Variants in CCDC170 observed in about 807,000 individuals in gnomAD.
CCDC170 encodes the protein coiled-coil domain containing 170, also known as coiled-coil domain-containing protein 170.
A neutral mutation model predicts 72.6 loss-of-function variants in CCDC170; 69 were observed. That is an observed-to-expected ratio of 0.95 (90% CI 0.78 to 1.16). The LOEUF (loss-of-function observed/expected upper bound fraction) is 1.16, where lower values mean the gene tolerates loss of function less well. CCDC170 is among the 50% of genes most tolerant of loss of function. The pLI, the probability that CCDC170 is intolerant of heterozygous loss-of-function variation, is 0.00. For missense variants in CCDC170, 852 were observed against 832.5 expected, an observed-to-expected ratio of 1.02 and a Z score of -0.29; for synonymous variants, 300 against 303.9, an observed-to-expected ratio of 0.99 and a Z score of 0.13.
intron 10 of CCDC170, among the ~76,000 whole-genome samples, chr6:151,616,476 T>A (rs1324119119): frequency 1.3e-5 from 2 of 151,982 alleles, no homozygotes. Flanking sequence ...TTTTTTTCCC[T>A]GCTTTGGCTG....
intron 3 of CCDC170, among the ~76,000 whole-genome samples, chr6:151,540,357 C>T (rs114834038): frequency 0.014 from 1,920 of 134,394 alleles, 55 homozygotes; most frequent in African/African-American, 0.048. Flanking sequence ...TCCTCCTCCT[C>T]CTTCTTCTGC....
intron 5 of CCDC170, among the ~76,000 whole-genome samples, chr6:151,551,189 G>A (rs4870041): frequency 0.16 from 24,089 of 152,132 alleles, 2,403 homozygotes; most frequent in East Asian, 0.5. Context: ...TACATAATAT[G>A]TATTTGTTAT....
At chr6:151,571,128 C>T (rs1776212943) in intron 5 of CCDC170, among the ~76,000 whole-genome samples, 1 of 152,116 alleles carries the variant, frequency 6.6e-6, no homozygotes, top group South Asian at 2.1e-4. Context: ...GTGTTTCAGG[C>T]TATCCTTTTT....
intron 6 of CCDC170, among the ~76,000 whole-genome samples, chr6:151,584,552 T>A (rs1238275715): frequency 6.6e-6 from 1 of 152,250 alleles, no homozygotes; most frequent in Non-Finnish European, 1.5e-5. Flanking sequence ...ACAAATTATT[T>A]AAAAATATTA....
chr6:151,533,199 G>A (rs1463771052), intron 1 of CCDC170, among the ~76,000 whole-genome samples: 6 of 151,318 alleles, frequency 4.0e-5, no homozygotes, highest in Non-Finnish European at 8.8e-5. Context: ...GACTACAGGC[G>A]CCCGCCACCA....
intron 9 of CCDC170, among the ~76,000 whole-genome samples, chr6:151,598,302 G>A (rs1776654677): frequency 6.6e-6 from 1 of 152,182 alleles, no homozygotes; most frequent in Non-Finnish European, 1.5e-5. Context: ...GGCTGCAAAT[G>A]GTGATGAATC....
rs1175333904 is a variant in CCDC170, at chr6:151,573,486, G to T, written c.1087G>T (p.Asp363Tyr). 6.2e-7 allele frequency: 1 copy of T among 1,613,192 alleles called. No individual in the cohort carries two copies. Among genetic ancestry groups the T allele is most frequent in the Admixed American group, 1.7e-5 (1 of 59,988 alleles). ...AATGGACAGCCGGGAAGAAAGCAGG[G>T]ACCGGGTGAGTGGGTCATGGCTGTT... The part of the protein sequence containing the change: ...REMDSREESR[D>Y]RMVSQLEAQI... Residue 363 changes from aspartate to tyrosine, a missense_variant, in exon 6 of 11, where the codon GAC becomes TAC. Asp to Tyr is a radical substitution (Grantham distance 160). Coordinates refer to ENST00000239374, the MANE Select transcript of CCDC170 (RefSeq NM_025059.4).
intron 1 of CCDC170, among the ~76,000 whole-genome samples, chr6:151,496,784 G>T (rs1781917586): frequency 6.6e-6 from 1 of 152,080 alleles, no homozygotes; most frequent in Non-Finnish European, 1.5e-5. Flanking sequence ...GTGACATCTT[G>T]GTCAAAACAA....
chr6:151,505,409 C>T (rs996893889), intron 1 of CCDC170, among the ~76,000 whole-genome samples: 1 of 152,052 alleles, frequency 6.6e-6, no homozygotes, highest in Non-Finnish European at 1.5e-5. Context: ...TCTTACTGGG[C>T]GTGGTGGCTC....
At chr6:151,503,672 T>G (rs1003851783) in intron 1 of CCDC170, among the ~76,000 whole-genome samples, 2 of 151,966 alleles carry the variant, frequency 1.3e-5, no homozygotes, top group Non-Finnish European at 2.9e-5. Context: ...AGGCTGGTCT[T>G]GAACTCCTGA....
At chr6:151,611,756 G>T (rs1001296089) in intron 9 of CCDC170, among the ~76,000 whole-genome samples, 3 of 152,154 alleles carry the variant, frequency 2.0e-5, no homozygotes, top group Non-Finnish European at 4.4e-5. Context: ...TTGTCACCCA[G>T]GCTGGAGTGA....
intron 1 of CCDC170, among the ~76,000 whole-genome samples, chr6:151,518,545 A>G (rs1782269076): frequency 7.1e-6 from 1 of 140,134 alleles, no homozygotes; most frequent in Non-Finnish European, 1.6e-5. Context: ...AAGGAATAAA[A>G]GGGTGCCTAC....
In CCDC170 at chr6:151,564,787, C is replaced by T. The variant is rs533684795; in HGVS notation, c.775-8387C>T. ...CCCCAGATGGTGTTTTCATGCACTG[C>T]GGTGGGGGTAGGGGCAGAGCAAAGC... On this transcript the variant is annotated intron_variant, in intron 5 of 10. Transcript: ENST00000239374. Among the ~76,000 whole-genome samples, 324 of 152,154 alleles carry T rather than the reference C, an allele frequency of 2.1e-3. 4 individuals carry two copies. Among genetic ancestry groups the T allele is most frequent in the African/African-American group, 7.4e-3 (307 of 41,512 alleles).
intron 7 of CCDC170, among the ~76,000 whole-genome samples, chr6:151,589,838 C>A (rs1202055929): frequency 1.3e-5 from 2 of 152,094 alleles, no homozygotes; most frequent in Non-Finnish European, 2.9e-5. Context: ...GCCAGGTGGC[C>A]TCTCCATCTT....
intron 9 of CCDC170, among the ~76,000 whole-genome samples, chr6:151,613,994 A>G (rs1444788420): frequency 6.6e-6 from 1 of 152,200 alleles, no homozygotes; most frequent in Non-Finnish European, 1.5e-5. Context: ...CATCCTTGCT[A>G]ACACTTGTGA....
At chr6:151,534,775 T>A (rs1441115776) in intron 1 of CCDC170, among the ~76,000 whole-genome samples, 1 of 152,238 alleles carries the variant, frequency 6.6e-6, no homozygotes, top group Non-Finnish European at 1.5e-5. Flanking sequence ...GTTATGAGCT[T>A]TAAGAAGACT....
rs949255880 is a variant in CCDC170 at position 151,540,184 on chromosome 6, G to A, written c.443+1883G>A. ...AAATTTATTCCTTGTAGTTGTGGAG[G>A]CTGGGAAGGCCAAGATCAAGATGTT... On this transcript the variant is annotated intron_variant, in intron 3 of 10. Transcript: ENST00000239374. Among the ~76,000 whole-genome samples, 10 of 152,020 alleles carry A rather than the reference G, an allele frequency of 6.6e-5. 1 individual carries two copies. The highest frequency in any genetic ancestry group is 6.6e-4 in the Admixed American group (10 of 15,256).
intron 4 of CCDC170, among the ~76,000 whole-genome samples, chr6:151,546,820 T>C (rs1403106800): frequency 3.9e-5 from 6 of 152,168 alleles, no homozygotes; most frequent in African/African-American, 1.4e-4. Context: ...TGTAGTGTGG[T>C]GGGTTCCTGC....
chr6:151,568,936 T>C (rs1048499326), intron 5 of CCDC170, among the ~76,000 whole-genome samples: 30 of 152,234 alleles, frequency 2.0e-4, no homozygotes, highest in Admixed American at 1.2e-3. Context: ...TATAGATATA[T>C]CCTCAGGACT....
Sources: gnomAD v4.1 joint callset for allele counts (sites outside exome capture counted in the v4.1 genomes callset) on GRCh38, gnomAD v4.1.1 for gene constraint, MANE v1.5 for transcripts, NCBI Gene and HGNC (gene_info 2026-07-23, HGNC 2026-07-21) for gene names.